Variants in PACC1 observed in about 807,000 individuals in gnomAD.
PACC1 encodes proton activated chloride channel 1, also known as proton-activated chloride channel.
PACC1 carries 34 observed loss-of-function variants against 39.7 expected under a neutral mutation model. The ratio of observed to expected loss-of-function variants is 0.86; its 90% CI spans 0.65 to 1.14. The LOEUF is 1.14. Among genes scored for constraint, PACC1 ranks in the 50% most tolerant of loss-of-function variants. The probability of loss-of-function intolerance (pLI) is 0.00; values close to 1 mark genes in which losing one functional copy is unlikely to be tolerated. For missense variants in PACC1, 379 were observed against 436.4 expected, an observed-to-expected ratio of 0.87 and a Z score of 1.17; for synonymous variants, 127 against 160.6, an observed-to-expected ratio of 0.79 and a Z score of 1.58.
chr1:212,370,151 TG>T (rs1660391902), intron 7 of PACC1, among the ~76,000 whole-genome samples: 1 of 152,186 alleles, frequency 6.6e-6, no homozygotes, highest in African/African-American at 2.4e-5. Flanking sequence ...CTAGACCAAA[TG>T]GACCTAACTG....
chr1:212,375,162 AAAT>A, intron 7 of PACC1, 28 bp downstream of exon 7: 1 of 1,478,980 alleles, frequency 6.8e-7, no homozygotes, highest in Non-Finnish European at 9.4e-7. Context: ...TCATAATCTT[AAAT>A]AATACTATCA....
intron 1 of PACC1, chr1:212,414,044 G>A: frequency 6.5e-7 from 1 of 1,535,312 alleles, no homozygotes; most frequent in African/African-American, 1.4e-5. Flanking sequence ...GAAGTGAGGA[G>A]GCAGGGCTTG....
rs372765144 is a variant in PACC1, at chr1:212,375,247, T to A, written c.837A>T (p.Gln279His). 2 of 1,613,976 alleles carry A rather than the reference T, an allele frequency of 1.2e-6. No individual in the cohort carries two copies. The highest frequency in any genetic ancestry group is 2.2e-5 in the East Asian group (1 of 44,882). The change falls in exon 7 of 8, where the codon CAA (glutamine) becomes CAT (histidine). Residue 279 changes from glutamine to histidine, a missense_variant. By Grantham distance (24) the Gln-to-His change is conservative (BLOSUM62 0). Transcript: ENST00000261455. The stretch of plus-strand genomic sequence containing the variant: ...TCCATTCAAAGACCACAAAAAACAA[T>A]TGAGCACTTTTTTTGGCAGCTGGCC... The part of the protein sequence containing the change: ...DQRPAAKKSA[Q>H]LFFVVFEWKD...
At position 212,414,874 on chromosome 1, in the gene PACC1, G is replaced by A. The variant is rs1402893337; in HGVS notation, c.-117C>T. 14 of 1,369,306 alleles carry A rather than the reference G, an allele frequency of 1.0e-5. No homozygotes were observed. The highest frequency in any genetic ancestry group is 1.2e-5 in the Non-Finnish European group (12 of 990,006). The allele number at this position is 1,369,306 out of a possible 1,614,324, so 84.8% of individuals were successfully genotyped here. Reference sequence around the variant, plus strand: ...TCCGCGAGGCGAAACCGGTCCGGAGGGGCGTCCCAGAGACCAGGCGTGGCG... The same window carrying A: ...TCCGCGAGGCGAAACCGGTCCGGAGAGGCGTCCCAGAGACCAGGCGTGGCG... On this transcript the variant is annotated 5_prime_UTR_variant, in exon 1 of 8. Coordinates refer to ENST00000261455, the MANE Select transcript of PACC1 (RefSeq NM_018252.3).
chr1:212,391,185 A>AC (rs1358079142), intron 2 of PACC1, among the ~76,000 whole-genome samples: 1 of 152,258 alleles, frequency 6.6e-6, no homozygotes. Flanking sequence ...TCTGGGAGGC[A>AC]CCCCCAAGTA....
At chr1:212,407,539 G>C (rs1444210399) in intron 2 of PACC1, among the ~76,000 whole-genome samples, 1 of 152,190 alleles carries the variant, frequency 6.6e-6, no homozygotes, top group African/African-American at 2.4e-5. Context: ...GGAGCCTTAG[G>C]GCTTTAGAGG....
At chr1:212,390,955 G>A (rs1286764672) in intron 2 of PACC1, among the ~76,000 whole-genome samples, 1 of 152,160 alleles carries the variant, frequency 6.6e-6, no homozygotes, top group African/African-American at 2.4e-5. Context: ...AGCTCGAACT[G>A]GGTGGAGCCC....
chr1:212,405,309 AAGG>A lies in PACC1; in HGVS notation c.133+5113_133+5115del, dbSNP rs148623674. On this transcript the variant is annotated intron_variant, in intron 2 of 7. Coordinates refer to ENST00000261455, the MANE Select transcript of PACC1 (RefSeq NM_018252.3). ...CACACTAGGCACTGGAGTTACAGTA[AAGG>A]AGGAGAAGACAAAATCTGTGTGCCT... is the stretch of plus-strand genomic sequence containing the variant. 7.8e-3 allele frequency among the ~76,000 whole-genome samples: 1,187 copies of A among 152,304 alleles called. 14 individuals carry two copies. The highest frequency in any genetic ancestry group is 0.027 in the African/African-American group (1,116 of 41,574).
intron 7 of PACC1, among the ~76,000 whole-genome samples, chr1:212,368,343 A>C (rs1660318804): frequency 6.6e-6 from 1 of 152,152 alleles, no homozygotes; most frequent in Non-Finnish European, 1.5e-5. Context: ...AGACGTACAC[A>C]AGCACCAGAA....
chr1:212,408,366 ATT>A (rs930721026), intron 2 of PACC1, among the ~76,000 whole-genome samples: 1 of 144,846 alleles, frequency 6.9e-6, no homozygotes, highest in African/African-American at 2.6e-5. Flanking sequence ...ACTTTATTTT[ATT>A]TTTTTTTTTG....
chr1:212,412,796 G>A (rs2102551916), intron 1 of PACC1, among the ~76,000 whole-genome samples: 1 of 152,356 alleles, frequency 6.6e-6, no homozygotes, highest in South Asian at 2.1e-4. Context: ...CCTGGACGCA[G>A]GAGCTGCCCA....
intron 7 of PACC1, among the ~76,000 whole-genome samples, chr1:212,368,705 G>A (rs1331639373): frequency 6.6e-6 from 1 of 151,964 alleles, no homozygotes; most frequent in East Asian, 1.9e-4. Context: ...CACTCACAAG[G>A]TCTAGAAAAT....
At chr1:212,366,148 C>T (rs1295431716) in intron 7 of PACC1, among the ~76,000 whole-genome samples, 1 of 152,150 alleles carries the variant, frequency 6.6e-6, no homozygotes, top group Non-Finnish European at 1.5e-5. Flanking sequence ...AGCTATTTAT[C>T]CTATGAATGC....
chr1:212,412,890 A>C (rs1025311794), intron 1 of PACC1, among the ~76,000 whole-genome samples: 4 of 152,046 alleles, frequency 2.6e-5, no homozygotes, highest in Non-Finnish European at 5.9e-5. Flanking sequence ...AACTTATCTA[A>C]TCCCCAAACA....
At chr1:212,406,105 CAAAAAAAAA>C (rs58332482) in intron 2 of PACC1, among the ~76,000 whole-genome samples, 2 of 55,642 alleles carry the variant, frequency 3.6e-5, no homozygotes, top group Non-Finnish European at 6.5e-5. Flanking sequence ...TCCCACCCCA[CAAAAAAAAA>C]AAAAAAAAAA....
intron 7 of PACC1, among the ~76,000 whole-genome samples, chr1:212,368,286 G>A (rs1001784257): frequency 6.6e-6 from 1 of 152,182 alleles, no homozygotes; most frequent in Admixed American, 6.5e-5. Flanking sequence ...AACAAGGGCA[G>A]ACTGTGAAGA....
At chr1:212,407,184 C>T (rs920233128) in intron 2 of PACC1, among the ~76,000 whole-genome samples, 2 of 152,136 alleles carry the variant, frequency 1.3e-5, no homozygotes, top group Non-Finnish European at 2.9e-5. Context: ...GCCCTTTAAA[C>T]ACAGAAAAGG....
chr1:212,383,891 T>C (rs576918612), intron 4 of PACC1, among the ~76,000 whole-genome samples: 1 of 152,232 alleles, frequency 6.6e-6, no homozygotes, highest in Non-Finnish European at 1.5e-5. Context: ...CTGTAGAGAA[T>C]GGTTCCAGGG....
chr1:212,377,411 G>T, intron 6 of PACC1, 151 bp downstream of exon 6: 1 of 1,025,440 alleles, frequency 9.8e-7, no homozygotes, highest in Non-Finnish European at 1.4e-6. Context: ...AGCATATGAA[G>T]CCCTCCATGG....
Sources: allele counts gnomAD v4.1 joint callset (sites outside exome capture counted in the v4.1 genomes callset), GRCh38; gene constraint gnomAD v4.1.1; transcripts MANE v1.5; gene names NCBI Gene and HGNC (gene_info 2026-07-23, HGNC 2026-07-21).